The following CACNA2D3 variants were observed in gnomAD, a reference collection of about 807,000 sequenced individuals.
CACNA2D3 encodes voltage-dependent calcium channel subunit alpha-2/delta-3.
Under a neutral mutation model 160.6 loss-of-function variants are expected in CACNA2D3, and 60 were observed. That is an observed-to-expected ratio of 0.37 (90% CI 0.30 to 0.46). CACNA2D3 has a LOEUF of 0.46. Ranked by LOEUF, CACNA2D3 falls within the 20% of genes least tolerant of loss-of-function variation. The pLI is 1.00. For synonymous variants in CACNA2D3, 558 were observed against 492.9 expected (o/e 1.13, Z -1.75); for missense variants, 1,205 against 1,365.0 (o/e 0.88, Z 1.85).
In CACNA2D3 at chr3:54,752,681, G is replaced by T; in HGVS notation, c.1246+4G>T. ...TGGATGGCCTGTGCCAACAAAGGTGGGTCTTCGCATTGTGCTCGGCTCTGA... is the reference window on the plus strand; with the variant it reads ...TGGATGGCCTGTGCCAACAAAGGTGTGTCTTCGCATTGTGCTCGGCTCTGA... On this transcript the variant is annotated splice_donor_region_variant and intron_variant, in intron 12 of 37. Transcript: ENST00000474759. The T allele has an allele frequency of 6.2e-7, 1 of 1,609,608 alleles. No homozygotes were observed. Among genetic ancestry groups the T allele is most frequent in the Non-Finnish European group, 8.5e-7 (1 of 1,177,146 alleles).
chr3:54,135,275 C>T (rs747795977), intron 2 of CACNA2D3, among the ~76,000 whole-genome samples: 100 of 152,182 alleles, frequency 6.6e-4, no homozygotes, highest in Non-Finnish European at 1.2e-3. Flanking sequence ...ACCTCTGCAA[C>T]ATACCTGCAG....
At chr3:54,809,122 A>T (rs1703214452) in intron 13 of CACNA2D3, among the ~76,000 whole-genome samples, 1 of 151,928 alleles carries the variant, frequency 6.6e-6, no homozygotes, top group African/African-American at 2.4e-5. Context: ...TAAGTGGTAG[A>T]GGTAGTATTT....
intron 11 of CACNA2D3, among the ~76,000 whole-genome samples, chr3:54,649,618 T>A (rs1699720061): frequency 6.6e-6 from 1 of 152,210 alleles, no homozygotes; most frequent in African/African-American, 2.4e-5. Flanking sequence ...CTGCCTTCTC[T>A]TGGTATCCTC....
chr3:54,682,161 GCACA>G lies in CACNA2D3; in HGVS notation c.1167+39950_1167+39953del, dbSNP rs138753206. Among the ~76,000 whole-genome samples, 455 of 144,752 alleles carry G rather than the reference GCACA, an allele frequency of 3.1e-3. 2 individuals are homozygous for G. The highest frequency in any genetic ancestry group is 0.011 in the East Asian group (51 of 4,832). The allele number at this position is 144,752 out of a possible 152,430, so 95.0% of individuals were successfully genotyped here. A position where few individuals can be genotyped will look rare whatever the true frequency, so the allele number is the denominator to read the frequency against. On this transcript the variant is annotated intron_variant, in intron 11 of 37. Transcript: ENST00000474759. ...TGTCTCATTTATGCAAAACAGAACA[GCACA>G]CACACACACACACACACACACACAC...
chr3:54,485,354 G>C (rs531077896), intron 4 of CACNA2D3, among the ~76,000 whole-genome samples: 2 of 152,282 alleles, frequency 1.3e-5, no homozygotes, highest in African/African-American at 4.8e-5. Context: ...AACCAAGGAA[G>C]TCTAGTTATT....
chr3:54,463,296 G>A (rs1415223313), intron 4 of CACNA2D3, among the ~76,000 whole-genome samples: 2 of 152,110 alleles, frequency 1.3e-5, no homozygotes, highest in Non-Finnish European at 2.9e-5. Flanking sequence ...GGCATTCTCT[G>A]TATTTCCTGA....
chr3:54,644,360 C>G (rs1699590442), intron 11 of CACNA2D3, among the ~76,000 whole-genome samples: 1 of 152,128 alleles, frequency 6.6e-6, no homozygotes, highest in Non-Finnish European at 1.5e-5. Flanking sequence ...TACAAGTTAA[C>G]TGCAGTCTTT....
intron 3 of CACNA2D3, among the ~76,000 whole-genome samples, chr3:54,330,592 C>T (rs1251777750): frequency 6.6e-6 from 1 of 152,126 alleles, no homozygotes. Flanking sequence ...CTAGGCTGGG[C>T]AAAGATTCAG....
At chr3:54,253,578 C>A (rs1294838882) in intron 2 of CACNA2D3, among the ~76,000 whole-genome samples, 1 of 152,150 alleles carries the variant, frequency 6.6e-6, no homozygotes, top group Non-Finnish European at 1.5e-5. Flanking sequence ...CCACCTCCAA[C>A]ACTGGGGATG....
At chr3:54,791,081 T>C (rs1702747016) in intron 13 of CACNA2D3, among the ~76,000 whole-genome samples, 2 of 152,246 alleles carry the variant, frequency 1.3e-5, no homozygotes, top group East Asian at 1.9e-4. Context: ...TCTATGGATG[T>C]TCCTCCAAGA....
intron 4 of CACNA2D3, among the ~76,000 whole-genome samples, chr3:54,444,674 G>GC (rs960920703): frequency 6.2e-4 from 95 of 152,288 alleles, no homozygotes; most frequent in African/African-American, 2.2e-3. Context: ...ACTCAGAGCT[G>GC]CCAGCAGCAT....
At chr3:54,238,998 A>T (rs1177003427) in intron 2 of CACNA2D3, among the ~76,000 whole-genome samples, 1 of 152,214 alleles carries the variant, frequency 6.6e-6, no homozygotes, top group Non-Finnish European at 1.5e-5. Context: ...AAATGTAACC[A>T]TACTGTGGAA....
intron 4 of CACNA2D3, among the ~76,000 whole-genome samples, chr3:54,441,179 C>T (rs2106794600): frequency 6.6e-6 from 1 of 152,332 alleles, no homozygotes; most frequent in Non-Finnish European, 1.5e-5. Flanking sequence ...GATTGCCATT[C>T]TAACTGGTGT....
chr3:54,677,579 CAATT>C (rs1056390809), intron 11 of CACNA2D3, among the ~76,000 whole-genome samples: 16 of 147,404 alleles, frequency 1.1e-4, no homozygotes, highest in African/African-American at 2.3e-4. Context: ...ATGCTTGAAA[CAATT>C]AAAACAATGA....
At position 54,505,596 on chromosome 3, in the gene CACNA2D3, C is replaced by T. The variant is rs886895607; in HGVS notation, c.544+1942C>T. ...GCAGATGAAATCCTAAATGAAACTG[C>T]CCCTTTTTGTGCGATGTGGCCAAAA... On this transcript the variant is annotated intron_variant, in intron 5 of 37. Coordinates refer to ENST00000474759, the MANE Select transcript of CACNA2D3 (RefSeq NM_018398.3). Among the ~76,000 whole-genome samples the T allele has an allele frequency of 2.6e-5, 4 of 152,268 alleles. 1 individual carries two copies. Among genetic ancestry groups the T allele is most frequent in the African/African-American group, 4.8e-5 (2 of 41,562 alleles).
At chr3:54,525,738 T>C (rs1701714410) in intron 5 of CACNA2D3, among the ~76,000 whole-genome samples, 1 of 152,056 alleles carries the variant, frequency 6.6e-6, no homozygotes, top group Non-Finnish European at 1.5e-5. Flanking sequence ...GTCATTTTTT[T>C]CTTGTCTGCT....
intron 11 of CACNA2D3, among the ~76,000 whole-genome samples, chr3:54,672,294 T>A (rs1700175994): frequency 6.6e-6 from 1 of 152,124 alleles, no homozygotes; most frequent in Non-Finnish European, 1.5e-5. Flanking sequence ...GGAAGAGAAT[T>A]TAGAGGGAAA....
At chr3:54,941,437 TGGCCCAGGGATGG>T (rs1400681865) in intron 27 of CACNA2D3, among the ~76,000 whole-genome samples, 1 of 152,226 alleles carries the variant, frequency 6.6e-6, no homozygotes, top group Non-Finnish European at 1.5e-5. Context: ...AACTACTTAT[TGGCCCAGGGATGG>T]GGCTTTAAGA....
chr3:54,486,942 T>A (rs1018000581), intron 4 of CACNA2D3, among the ~76,000 whole-genome samples: 1 of 152,152 alleles, frequency 6.6e-6, no homozygotes, highest in African/African-American at 2.4e-5. Context: ...GACAACATGG[T>A]AGAGAGAGAA....
Sources: allele counts gnomAD v4.1 joint callset (sites outside exome capture counted in the v4.1 genomes callset), GRCh38; gene constraint gnomAD v4.1.1; transcripts MANE v1.5; gene names NCBI Gene and HGNC (gene_info 2026-07-23, HGNC 2026-07-21).